The following NIN variants were observed in gnomAD, a reference collection of about 807,000 sequenced individuals.
NIN encodes the protein glycogen synthase kinase 3 beta-interacting protein.
In NIN, 137 loss-of-function variants were observed where a neutral mutation model predicts 257.6. That is an observed-to-expected ratio of 0.53 (90% CI 0.46 to 0.61). The LOEUF is 0.61. Among genes scored for constraint, NIN ranks in the 20% least tolerant of loss-of-function variants. The pLI is 0.00. For synonymous variants in NIN, 918 were observed against 919.8 expected (o/e 1.00, Z 0.04); for missense variants, 2,439 against 2,501.2 (o/e 0.98, Z 0.53).
Position 50,721,989 on chromosome 14 carries a change from C to G in NIN, c.*1474G>C, listed in dbSNP as rs549959261. ...TAAAGCAGTGCTTGATTTTGCTGTT[C>G]ACCTTTTGTAAATAGATGGGCTTGG... On this transcript the variant is annotated 3_prime_UTR_variant, in exon 31 of 31. Coordinates refer to ENST00000530997, the MANE Select transcript of NIN (RefSeq NM_020921.4). The G allele has an allele frequency of 3.5e-4, 79 of 227,820 alleles. No individual in the cohort carries two copies. The highest frequency in any genetic ancestry group is 5.9e-4 in the Non-Finnish European group (68 of 114,588). 14.1% of individuals were successfully genotyped at this position (227,820 alleles called of 1,614,324 possible).
intron 3 of NIN, among the ~76,000 whole-genome samples, chr14:50,812,424 G>A (rs1004495381): frequency 2.6e-5 from 4 of 152,080 alleles, no homozygotes; most frequent in Non-Finnish European, 4.4e-5. Flanking sequence ...ACTTTCACAC[G>A]AAGCCACCAG....
At chr14:50,771,563 GA>G (rs2042733693) in intron 9 of NIN, 95 bp from the exon 10 acceptor site, 2 of 1,319,676 alleles carry the variant, frequency 1.5e-6, no homozygotes, top group Non-Finnish European at 2.1e-6. Context: ...TCTGAGAGCT[GA>G]CAATGATCTA....
rs148566708 is a variant in NIN, at chr14:50,784,678, A to G, written c.436-5874T>C. ...ATTGGCTTGATTTAGTTATTTCACA[A>G]TGTATCCATATATCAAAACATCATG... On this transcript the variant is annotated intron_variant, in intron 5 of 30. Coordinates refer to ENST00000530997, the MANE Select transcript of NIN (RefSeq NM_020921.4). 5.3e-3 allele frequency among the ~76,000 whole-genome samples: 800 copies of G among 152,350 alleles called. 1 individual carries two copies. Among genetic ancestry groups the G allele is most frequent in the Non-Finnish European group, 7.0e-3 (476 of 68,034 alleles).
At chr14:50,819,866 C>T (rs2045115432) in intron 3 of NIN, among the ~76,000 whole-genome samples, 1 of 152,054 alleles carries the variant, frequency 6.6e-6, no homozygotes, top group Non-Finnish European at 1.5e-5. Flanking sequence ...CAGTAAAAAC[C>T]ACTTATAATT....
In NIN at chr14:50,752,744, TTAAAA is replaced by T. The variant is rs763194642; in HGVS notation, c.4735-16_4735-12del. ...TTTTAATTCTGAAATCTAATTAAAA[TTAAAA>T]TAAGTTTTTCAAACTTGTTACCCTA... On this transcript the variant is annotated splice_polypyrimidine_tract_variant and intron_variant, in intron 20 of 30. Coordinates refer to ENST00000530997, the MANE Select transcript of NIN (RefSeq NM_020921.4). The T allele has an allele frequency of 7.4e-6, 11 of 1,487,340 alleles. No homozygotes were observed. Among genetic ancestry groups the T allele is most frequent in the Admixed American group, 3.9e-5 (2 of 50,672 alleles). The allele number at this position is 1,487,340 out of a possible 1,614,324, so 92.1% of individuals were successfully genotyped here.
chr14:50,766,458 G>A, intron 13 of NIN, 62 bp from the exon 14 acceptor site: 1 of 1,425,802 alleles, frequency 7.0e-7, no homozygotes, highest in Non-Finnish European at 9.9e-7. Context: ...ACCCAACACA[G>A]CAAAGGCCCA....
intron 5 of NIN, among the ~76,000 whole-genome samples, chr14:50,783,624 G>A (rs1230994980): frequency 6.8e-6 from 1 of 147,876 alleles, no homozygotes; most frequent in Non-Finnish European, 1.5e-5. Flanking sequence ...GGGTGGCTGA[G>A]CATTTGTTAT....
rs1566829243 is a variant in NIN at position 50,770,483 on chromosome 14, G to T, written c.1339C>A (p.Gln447Lys). Residue 447 changes from glutamine (Q) to lysine (K), a missense_variant, in exon 12 of 31, where the codon CAG becomes AAG. Physicochemically the swap from Gln to Lys is moderately conservative, Grantham distance 53. Transcript: ENST00000530997. Reference protein sequence around the residue: ...LRKEREQILQQAGKQRLELEQ... With the variant: ...LRKEREQILQKAGKQRLELEQ... ...AGTTCTAAACGCTGCTTGCCTGCCT[G>T]CTGCAGGATCTGCTCTCTCTCTTTT... 1 of 1,614,140 alleles carries T rather than the reference G, an allele frequency of 6.2e-7. No homozygotes were observed. Among genetic ancestry groups the T allele is most frequent in the Non-Finnish European group, 8.5e-7 (1 of 1,179,942 alleles).
At chr14:50,814,645 A>T (rs1050170921) in intron 3 of NIN, among the ~76,000 whole-genome samples, 3 of 152,246 alleles carry the variant, frequency 2.0e-5, no homozygotes, top group Admixed American at 2.0e-4. Flanking sequence ...AAACTGTACT[A>T]CAAAGTTACA....
intron 8 of NIN, 74 bp from the exon 9 acceptor site, chr14:50,772,542 C>T (rs2042777172): frequency 1.5e-6 from 2 of 1,340,586 alleles, no homozygotes; most frequent in African/African-American, 1.4e-5. Flanking sequence ...TCAGCCCTGA[C>T]CACGATGGGT....
Position 50,754,778 on chromosome 14 carries a change from T to A in NIN, c.4628A>T (p.Lys1543Ile), listed in dbSNP as rs759437262. The A allele has an allele frequency of 9.5e-6, 15 of 1,586,006 alleles. No individual in the cohort carries two copies. In the South Asian group the frequency reaches 1.5e-4, roughly 16 times the overall value. The change falls in exon 19 of 31, where the codon AAA becomes ATA. Residue 1543 changes from lysine (K) to isoleucine (I), a missense_variant. Physicochemically the swap from Lys to Ile is moderately radical, Grantham distance 102. Transcript: ENST00000530997. The part of the protein sequence containing the change: ...LNEEDSISNL[K>I]LGTLNGSQEE... ...CTGAGATCCATTTAATGTCCCTAAT[T>A]TCAGGTTAGAAATGCTATCTTCTTC...
Position 50,743,471 on chromosome 14 carries a change from G to A in NIN, c.5246C>T (p.Ser1749Phe), listed in dbSNP as rs747622310. 43 of 1,613,758 alleles carry A rather than the reference G, an allele frequency of 2.7e-5. No individual in the cohort carries two copies. The highest frequency in any genetic ancestry group is 3.3e-4 in the Middle Eastern group (2 of 6,080). Reference sequence around the variant, plus strand: ...TAAGCTCGCACTCTGATGTTCCCAGGATTTCTGTTCCTGCTTCATCGTCGC... The same window carrying A: ...TAAGCTCGCACTCTGATGTTCCCAGAATTTCTGTTCCTGCTTCATCGTCGC... The part of the protein sequence containing the change: ...RIATMKQEQK[S>F]WEHQSASLKS... Residue 1749 changes from serine (S) to phenylalanine (F), a missense_variant, in exon 24 of 31, where the codon TCC becomes TTC. Ser to Phe is a radical substitution (Grantham distance 155, BLOSUM62 -2). Transcript: ENST00000530997.
chr14:50,727,253 T>C (rs2040453899), intron 29 of NIN: 5 of 961,932 alleles, frequency 5.2e-6, no homozygotes, highest in Non-Finnish European at 6.2e-6. Context: ...ATTTATTTTA[T>C]TGTTTCATCA....
chr14:50,766,952 A>G (rs2042512957), intron 12 of NIN, 62 bp from the exon 13 acceptor site: 5 of 1,085,198 alleles, frequency 4.6e-6, no homozygotes, highest in East Asian at 2.4e-5. Context: ...CTGTGGTACT[A>G]TTTTATATAC....
intron 5 of NIN, among the ~76,000 whole-genome samples, chr14:50,787,703 T>C (rs1235813406): frequency 1.3e-5 from 2 of 152,146 alleles, no homozygotes; most frequent in African/African-American, 4.8e-5. Context: ...AATAAACACA[T>C]GAAATTGGAA....
chr14:50,830,707 A>G (rs983288789), intron 1 of NIN, 190 bp from the exon 2 acceptor site: 1 of 135,944 alleles, frequency 7.4e-6, no homozygotes, highest in Non-Finnish European at 1.6e-5. Context: ...TGCAGCGCGC[A>G]TCCTCCCCGC....
At chr14:50,730,826 T>G in intron 28 of NIN, 1 of 935,244 alleles carries the variant, frequency 1.1e-6, no homozygotes, top group Non-Finnish European at 1.4e-6. Flanking sequence ...TTTCCTTAAG[T>G]ACTTATTAAC....
intron 30 of NIN, chr14:50,724,097 T>G: frequency 1.1e-5 from 2 of 190,388 alleles, no homozygotes; most frequent in Non-Finnish European, 2.2e-5. Flanking sequence ...ACCCACTGAT[T>G]ATTTTAAAAT....
intron 4 of NIN, among the ~76,000 whole-genome samples, chr14:50,801,809 C>T (rs2142131616): frequency 6.6e-6 from 1 of 152,300 alleles, no homozygotes; most frequent in Admixed American, 6.5e-5. Flanking sequence ...TGTACCAAAA[C>T]AATGCCTGGT....
Sources: gnomAD v4.1 joint callset for allele counts (sites outside exome capture counted in the v4.1 genomes callset) on GRCh38, gnomAD v4.1.1 for gene constraint, MANE v1.5 for transcripts, NCBI Gene and HGNC (gene_info 2026-07-23, HGNC 2026-07-21) for gene names.